RAP1GDS1: variants seen among roughly 807,000 people sequenced by gnomAD.
RAP1GDS1 encodes Rap1 GTPase-GDP dissociation stimulator 1, also known as RAP1, GTP-GDP dissociation stimulator 1.
A neutral mutation model predicts 71.1 loss-of-function variants in RAP1GDS1; 35 were observed. The observed-to-expected ratio is 0.49, with a 90% CI of 0.38 to 0.65. The LOEUF (loss-of-function observed/expected upper bound fraction) is 0.65. Ranked by LOEUF, RAP1GDS1 falls within the 30% of genes least tolerant of loss-of-function variation. RAP1GDS1 has a pLI of 0.00. For missense variants in RAP1GDS1, 663 were observed against 706.1 expected (o/e 0.94, Z 0.69); for synonymous variants, 229 against 243.1 (o/e 0.94, Z 0.54).
chr4:98,437,038 A>G lies in RAP1GDS1; in HGVS notation c.1666A>G (p.Met556Val). Reference sequence around the variant, plus strand: ...TGCTCCTGAAATCAAATATAATTCCATGGTCCTGATATGTGCTCTTATGGG... The same window carrying G: ...TGCTCCTGAAATCAAATATAATTCCGTGGTCCTGATATGTGCTCTTATGGG... ...RSAPEIKYNS[M>V]VLICALMGSE... Residue 556 changes from methionine to valine, a missense_variant, in exon 14 of 15, where the codon ATG (methionine) becomes GTG (valine). Coordinates refer to ENST00000408927, the MANE Select transcript of RAP1GDS1 (RefSeq NM_001100427.2). 1.9e-6 allele frequency: 3 copies of G among 1,612,278 alleles called. No individual in the cohort carries two copies. The highest frequency in any genetic ancestry group is 2.5e-6 in the Non-Finnish European group (3 of 1,179,534).
intron 4 of RAP1GDS1, among the ~76,000 whole-genome samples, chr4:98,359,162 G>GA (rs1286740758): frequency 5.9e-5 from 9 of 151,934 alleles, no homozygotes; most frequent in Admixed American, 5.9e-4. Context: ...GACTTTTATG[G>GA]AAAAAAATCA....
At chr4:98,289,352 G>A (rs899874552) in intron 1 of RAP1GDS1, among the ~76,000 whole-genome samples, 12 of 152,036 alleles carry the variant, frequency 7.9e-5, no homozygotes, top group African/African-American at 2.9e-4. Context: ...CAAGTAAGTA[G>A]CCATGCTAGA....
Position 98,378,954 on chromosome 4 carries a change from A to G in RAP1GDS1, c.362-63A>G, listed in dbSNP as rs1334016090. 7 of 1,386,462 alleles carry G rather than the reference A, an allele frequency of 5.0e-6. No individual in the cohort carries two copies. The South Asian group carries it at 7.0e-5, about 14-fold the overall frequency. The allele number at this position is 1,386,462 out of a possible 1,614,324, so 85.9% of individuals were successfully genotyped here. On this transcript the variant is annotated intron_variant, in intron 4 of 14. Coordinates refer to ENST00000408927, the MANE Select transcript of RAP1GDS1 (RefSeq NM_001100427.2). ...AAAGAATAACACTGTTATGTTTTGT[A>G]TTTGAAATTGTAAGGTACATTTCTT...
chr4:98,429,941 A>G (rs2110209960), intron 12 of RAP1GDS1, among the ~76,000 whole-genome samples: 1 of 152,174 alleles, frequency 6.6e-6, no homozygotes, highest in East Asian at 1.9e-4. Flanking sequence ...GGACACAAAA[A>G]TATGTCCACA....
At chr4:98,348,656 G>T (rs986602802) in intron 3 of RAP1GDS1, among the ~76,000 whole-genome samples, 1 of 152,026 alleles carries the variant, frequency 6.6e-6, no homozygotes, top group East Asian at 1.9e-4. Flanking sequence ...AATGATCACT[G>T]TTCTAACTGG....
chr4:98,441,797 T>TAA, intron 14 of RAP1GDS1, 193 bp from the exon 15 acceptor site: 1 of 560,738 alleles, frequency 1.8e-6, no homozygotes, highest in Non-Finnish European at 2.3e-6. Context: ...TAAAAAAAAG[T>TAA]AAAGTTTTTA....
rs1242715265 is a variant in RAP1GDS1, at chr4:98,442,978, A to G, written c.*861A>G. The G allele has an allele frequency of 4.5e-6, 1 of 221,248 alleles. No homozygotes were observed. The highest frequency in any genetic ancestry group is 8.8e-6 in the Non-Finnish European group (1 of 113,688). The allele number at this position is 221,248 out of a possible 1,614,324, so 13.7% of individuals were successfully genotyped here. Reference sequence around the variant, plus strand: ...ATTCATTTGGCGCTTGTTTGTTTTCAACTGAGGAAATTGAGTATAGTTCAT... The same window carrying G: ...ATTCATTTGGCGCTTGTTTGTTTTCGACTGAGGAAATTGAGTATAGTTCAT... On this transcript the variant is annotated 3_prime_UTR_variant, in exon 15 of 15. Coordinates refer to ENST00000408927, the MANE Select transcript of RAP1GDS1 (RefSeq NM_001100427.2).
rs1751988098 is a variant in RAP1GDS1, at chr4:98,442,328, A to G, written c.*211A>G. On this transcript the variant is annotated 3_prime_UTR_variant, in exon 15 of 15. Transcript: ENST00000408927. ...CTTTGTCAAAGGCAAGTCTCCACCC[A>G]TAACCGTTCTCTTGTATTCCTGTTG... 5.5e-6 allele frequency: 3 copies of G among 544,472 alleles called. No individual in the cohort carries two copies. Among genetic ancestry groups the G allele is most frequent in the Admixed American group, 3.6e-5 (1 of 27,958 alleles). 33.7% of individuals were successfully genotyped at this position (544,472 alleles called of 1,614,324 possible).
chr4:98,308,411 A>T (rs1487333645), intron 2 of RAP1GDS1, among the ~76,000 whole-genome samples: 2 of 147,546 alleles, frequency 1.4e-5, no homozygotes, highest in Non-Finnish European at 3.0e-5. Context: ...TTGAGGCTGC[A>T]GTGAGCCATG....
intron 2 of RAP1GDS1, among the ~76,000 whole-genome samples, chr4:98,324,370 C>T (rs1028076391): frequency 6.6e-6 from 1 of 152,174 alleles, no homozygotes; most frequent in African/African-American, 2.4e-5. Flanking sequence ...GATTCAATGG[C>T]ATCCCCATAA....
At chr4:98,274,805 C>T (rs1246504492) in intron 1 of RAP1GDS1, among the ~76,000 whole-genome samples, 1 of 152,156 alleles carries the variant, frequency 6.6e-6, no homozygotes, top group African/African-American at 2.4e-5. Context: ...AAAACCTCTA[C>T]AAGTCTTTTG....
At chr4:98,400,778 T>A (rs1228996114) in intron 6 of RAP1GDS1, among the ~76,000 whole-genome samples, 2 of 152,180 alleles carry the variant, frequency 1.3e-5, no homozygotes, top group Non-Finnish European at 2.9e-5. Flanking sequence ...ATTACCCTGA[T>A]CTGCTTACTA....
chr4:98,378,957 T>G, intron 4 of RAP1GDS1, 60 bp from the exon 5 acceptor site: 1 of 1,408,576 alleles, frequency 7.1e-7, no homozygotes. Context: ...GTTTTGTATT[T>G]GAAATTGTAA....
intron 4 of RAP1GDS1, among the ~76,000 whole-genome samples, chr4:98,367,898 C>T (rs1041141812): frequency 2.6e-5 from 4 of 152,074 alleles, no homozygotes; most frequent in African/African-American, 9.7e-5. Context: ...TCACATGAGA[C>T]TTTGGACTGT....
intron 13 of RAP1GDS1, among the ~76,000 whole-genome samples, chr4:98,434,265 G>A: frequency 6.6e-6 from 1 of 152,168 alleles, no homozygotes; most frequent in East Asian, 1.9e-4. Flanking sequence ...CATTTTTAGG[G>A]CAATGCATTA....
At position 98,343,203 on chromosome 4, in the gene RAP1GDS1, T is replaced by A. The variant is rs1399993876; in HGVS notation, c.177T>A (p.Thr59=). The change falls in exon 3 of 15, where the codon ACT becomes ACA. Residue 59 remains threonine, a synonymous_variant. Transcript: ENST00000408927. ...TTCAGCTGTTTGCAAGTCTGTTGAC[T>A]CCACAGTCTTCCTGCAAAGCCAAAG... is the stretch of plus-strand genomic sequence containing the variant. ...GILQLFASLL[T]PQSSCKAKVA... 1.9e-6 allele frequency: 3 copies of A among 1,604,964 alleles called. No homozygotes were observed.
chr4:98,293,778 GAGGCCA>G (rs1459864679), intron 2 of RAP1GDS1, among the ~76,000 whole-genome samples: 1 of 152,060 alleles, frequency 6.6e-6, no homozygotes, highest in Non-Finnish European at 1.5e-5. Context: ...GTCCCAGAGA[GAGGCCA>G]TTGTTTCATT....
At chr4:98,308,265 C>T (rs950372750) in intron 2 of RAP1GDS1, among the ~76,000 whole-genome samples, 2 of 139,656 alleles carry the variant, frequency 1.4e-5, no homozygotes, top group Admixed American at 1.5e-4. Flanking sequence ...TATATACACA[C>T]ACACCCACAC....
At chr4:98,409,096 A>T (rs1053118711) in intron 7 of RAP1GDS1, among the ~76,000 whole-genome samples, 14 of 152,224 alleles carry the variant, frequency 9.2e-5, no homozygotes, top group Admixed American at 5.9e-4. Flanking sequence ...TGATGTGATT[A>T]TGCATATTTA....
Sources: allele counts gnomAD v4.1 joint callset (sites outside exome capture counted in the v4.1 genomes callset), GRCh38; gene constraint gnomAD v4.1.1; transcripts MANE v1.5; gene names NCBI Gene and HGNC (gene_info 2026-07-23, HGNC 2026-07-21).